The following GLCCI1 variants were observed in gnomAD, a reference collection of about 807,000 sequenced individuals.
The protein encoded by GLCCI1 is glucocorticoid-induced transcript 1 protein.
A neutral mutation model predicts 52.2 loss-of-function variants in GLCCI1; 24 were observed. That is an observed-to-expected ratio of 0.46 (90% CI 0.33 to 0.65). The LOEUF (loss-of-function observed/expected upper bound fraction) is 0.65, where lower values mean the gene tolerates loss of function less well. Among genes scored for constraint, GLCCI1 ranks in the 30% least tolerant of loss-of-function variants. The pLI is 0.02. For synonymous variants in GLCCI1, 310 were observed against 276.5 expected, an observed-to-expected ratio of 1.12 and a Z score of -1.20; for missense variants, 704 against 701.5, an observed-to-expected ratio of 1.00 and a Z score of -0.04.
At chr7:8,001,709 T>TC (rs1332470487) in intron 1 of GLCCI1, among the ~76,000 whole-genome samples, 1 of 152,142 alleles carries the variant, frequency 6.6e-6, no homozygotes, top group Non-Finnish European at 1.5e-5. Flanking sequence ...AACCCAAATG[T>TC]CCATCAGTGA....
rs191570052 is a variant in GLCCI1 at position 8,008,217 on chromosome 7, C to T, written c.609+4158C>T. ...AAATTTTGTGTCCTTTGACCAGCAT[C>T]TCCCAAGGACTCCTAGCCTCTGATA... is the stretch of plus-strand genomic sequence containing the variant. On this transcript the variant is annotated intron_variant, in intron 2 of 7. Transcript: ENST00000223145. Among the ~76,000 whole-genome samples, 14 of 151,886 alleles carry T rather than the reference C, an allele frequency of 9.2e-5. No homozygotes were observed. In the East Asian group the frequency reaches 2.7e-3, roughly 29 times the overall value.
chr7:7,979,043 C>T (rs2115405527), intron 1 of GLCCI1, among the ~76,000 whole-genome samples: 1 of 152,324 alleles, frequency 6.6e-6, no homozygotes, highest in East Asian at 1.9e-4. Flanking sequence ...CAACAGTCCT[C>T]TTCCTGCTTT....
intron 4 of GLCCI1, among the ~76,000 whole-genome samples, chr7:8,058,152 C>G (rs1411037218): frequency 6.6e-6 from 1 of 151,958 alleles, no homozygotes; most frequent in Non-Finnish European, 1.5e-5. Context: ...ATTCAGTTTC[C>G]TCTTATATTA....
intron 3 of GLCCI1, among the ~76,000 whole-genome samples, chr7:8,047,126 G>T (rs1232329390): frequency 3.3e-5 from 5 of 152,140 alleles, no homozygotes; most frequent in Admixed American, 3.3e-4. Context: ...TGACAACCAG[G>T]TTATCAATGC....
At chr7:7,989,171 T>C (rs931033412) in intron 1 of GLCCI1, among the ~76,000 whole-genome samples, 2 of 152,194 alleles carry the variant, frequency 1.3e-5, no homozygotes, top group Admixed American at 1.3e-4. Flanking sequence ...AAAATAAAGC[T>C]ATAATTTTAA....
chr7:7,985,534 T>TTCAAG (rs1380118495), intron 1 of GLCCI1, among the ~76,000 whole-genome samples: 3 of 93,838 alleles, frequency 3.2e-5, no homozygotes, highest in African/African-American at 1.2e-4. Flanking sequence ...ATCCTGGAAC[T>TTCAAG]TTAAGTTAAA....
intron 3 of GLCCI1, among the ~76,000 whole-genome samples, chr7:8,043,413 C>T: frequency 6.6e-6 from 1 of 151,614 alleles, no homozygotes; most frequent in Non-Finnish European, 1.5e-5. Flanking sequence ...AAACATATGA[C>T]AGGCTAGATA....
chr7:8,012,432 C>CTTTTTTTTTTTTTTTTTTT lies in GLCCI1; in HGVS notation c.609+8385_609+8403dup, dbSNP rs71014746. Among the ~76,000 whole-genome samples, 9 of 70,396 alleles carry CTTTTTTTTTTTTTTTTTTT rather than the reference C, an allele frequency of 1.3e-4. 3 individuals are homozygous for CTTTTTTTTTTTTTTTTTTT. Among genetic ancestry groups the CTTTTTTTTTTTTTTTTTTT allele is most frequent in the Non-Finnish European group, 1.5e-4 (6 of 39,574 alleles). 46.2% of individuals were successfully genotyped at this position (70,396 alleles called of 152,430 possible). ...CCATTCTGTGGGTTGCCTTTTTATT[C>CTTTTTTTTTTTTTTTTTTT]TTTTTTTTTTTTTTTTTTTTTTTTT... On this transcript the variant is annotated intron_variant, in intron 2 of 7. Coordinates refer to ENST00000223145, the MANE Select transcript of GLCCI1 (RefSeq NM_138426.4).
At chr7:8,083,373 G>A (rs1339163201) in intron 6 of GLCCI1, among the ~76,000 whole-genome samples, 1 of 150,836 alleles carries the variant, frequency 6.6e-6, no homozygotes, top group African/African-American at 2.4e-5. Context: ...CAGATGTTTG[G>A]TTTTTTGTTT....
intron 5 of GLCCI1, chr7:8,070,227 CCTTCTTTTT>C (rs1300474336): frequency 6.6e-6 from 1 of 152,054 alleles, no homozygotes. Context: ...TCCTTTTTTT[CCTTCTTTTT>C]GCTACTGAGA....
chr7:8,050,085 C>T (rs868309866), intron 3 of GLCCI1, among the ~76,000 whole-genome samples: 4 of 151,932 alleles, frequency 2.6e-5, no homozygotes, highest in Admixed American at 6.6e-5. Context: ...TTCGGGGGTG[C>T]GTGGTGTGTG....
At chr7:8,007,718 G>A (rs1781184880) in intron 2 of GLCCI1, among the ~76,000 whole-genome samples, 2 of 152,080 alleles carry the variant, frequency 1.3e-5, no homozygotes, top group Admixed American at 1.3e-4. Flanking sequence ...TAAACACCTG[G>A]GCTGTTTGGC....
At chr7:8,052,360 TTTC>T (rs2127957999) in intron 3 of GLCCI1, among the ~76,000 whole-genome samples, 1 of 152,364 alleles carries the variant, frequency 6.6e-6, no homozygotes, top group South Asian at 2.1e-4. Context: ...TGGATTGAAT[TTTC>T]TTTTTTCAAA....
intron 6 of GLCCI1, chr7:8,084,638 G>GCT: frequency 2.7e-6 from 1 of 365,598 alleles, no homozygotes; most frequent in Non-Finnish European, 5.0e-6. Flanking sequence ...CAGGATTACA[G>GCT]CTCTGTTGTA....
At chr7:8,073,745 T>C (rs1782816610) in intron 6 of GLCCI1, among the ~76,000 whole-genome samples, 2 of 152,190 alleles carry the variant, frequency 1.3e-5, no homozygotes, top group African/African-American at 4.8e-5. Flanking sequence ...AGAAGTTATA[T>C]AGAATGGGTT....
intron 3 of GLCCI1, among the ~76,000 whole-genome samples, chr7:8,040,489 C>A (rs1562438540): frequency 2.1e-5 from 3 of 145,506 alleles, no homozygotes; most frequent in African/African-American, 7.6e-5. Context: ...GACCCTGACT[C>A]AAAAAAAAAC....
chr7:8,067,628 T>C (rs1042766188), intron 5 of GLCCI1, among the ~76,000 whole-genome samples: 1 of 152,218 alleles, frequency 6.6e-6, no homozygotes, highest in Non-Finnish European at 1.5e-5. Flanking sequence ...CCTGTGCTTA[T>C]GTAGCTTAGT....
chr7:8,052,741 G>C (rs1782286540), intron 3 of GLCCI1, among the ~76,000 whole-genome samples: 1 of 152,208 alleles, frequency 6.6e-6, no homozygotes, highest in Non-Finnish European at 1.5e-5. Flanking sequence ...TAAGAAGGAT[G>C]AACTGAGGAC....
chr7:7,982,945 A>G (rs3209427), intron 1 of GLCCI1, among the ~76,000 whole-genome samples: 1 of 152,174 alleles, frequency 6.6e-6, no homozygotes, highest in Non-Finnish European at 1.5e-5. Context: ...AAATAATGCC[A>G]AATTATAAAA....
Sources: gnomAD v4.1 joint callset for allele counts (sites outside exome capture counted in the v4.1 genomes callset) on GRCh38, gnomAD v4.1.1 for gene constraint, MANE v1.5 for transcripts, NCBI Gene and HGNC (gene_info 2026-07-23, HGNC 2026-07-21) for gene names.